Variants in SPAG16 observed in about 807,000 individuals in gnomAD.
SPAG16 encodes sperm-associated antigen 16 protein.
Under a neutral mutation model 80.4 loss-of-function variants are expected in SPAG16, and 86 were observed. That is an observed-to-expected ratio of 1.07 (90% CI 0.90 to 1.28). The LOEUF is 1.28. Ranked by LOEUF, SPAG16 falls within the 50% of genes most tolerant of loss-of-function variation. The pLI is 0.00. For missense variants in SPAG16, 870 were observed against 765.3 expected (o/e 1.14, Z -1.61); for synonymous variants, 294 against 265.9 (o/e 1.11, Z -1.03).
chr2:214,038,496 C>T (rs1189547234), intron 13 of SPAG16, among the ~76,000 whole-genome samples: 2 of 152,014 alleles, frequency 1.3e-5, no homozygotes, highest in Non-Finnish European at 2.9e-5. Flanking sequence ...ATACTAAAAG[C>T]TTACCATTTG....
At chr2:214,086,463 T>C (rs758138672) in intron 13 of SPAG16, among the ~76,000 whole-genome samples, 1 of 152,122 alleles carries the variant, frequency 6.6e-6, no homozygotes, top group African/African-American at 2.4e-5. Flanking sequence ...AGGGACCTTA[T>C]GGAGGTGATG....
intron 13 of SPAG16, among the ~76,000 whole-genome samples, chr2:214,022,331 T>G (rs1333117216): frequency 6.6e-6 from 1 of 152,138 alleles, no homozygotes; most frequent in Non-Finnish European, 1.5e-5. Context: ...GATAGGAACA[T>G]GCAGCCATTC....
chr2:213,376,866 T>G (rs921166153), intron 9 of SPAG16, among the ~76,000 whole-genome samples: 1 of 152,188 alleles, frequency 6.6e-6, no homozygotes, highest in Non-Finnish European at 1.5e-5. Flanking sequence ...TAACTAGAAC[T>G]GTAGAGGAGG....
chr2:213,649,552 C>T (rs1259131021), intron 10 of SPAG16, among the ~76,000 whole-genome samples: 1 of 152,142 alleles, frequency 6.6e-6, no homozygotes. Context: ...TTATTTAGCA[C>T]AGCTCATTTT....
intron 10 of SPAG16, among the ~76,000 whole-genome samples, chr2:213,692,604 A>G (rs1055334048): frequency 1.3e-5 from 2 of 152,128 alleles, no homozygotes; most frequent in African/African-American, 4.8e-5. Context: ...AGGTCAGCAG[A>G]TAGAGACAAT....
rs114014228 is a variant in SPAG16 at position 213,875,431 on chromosome 2, G to C, written c.1214+12803G>C. Among the ~76,000 whole-genome samples the C allele has an allele frequency of 1.5e-3, 234 of 152,142 alleles. 1 individual carries two copies. The highest frequency in any genetic ancestry group is 5.4e-3 in the African/African-American group (224 of 41,502). On this transcript the variant is annotated intron_variant, in intron 11 of 15. Coordinates refer to ENST00000331683, the MANE Select transcript of SPAG16 (RefSeq NM_024532.5). ...TACATGAAAGAGGGCTAAATGAGAA[G>C]GTCAACAGCATCAAGGCATAGACTA...
At chr2:214,282,919 C>T (rs1181718020) in intron 15 of SPAG16, among the ~76,000 whole-genome samples, 4 of 151,956 alleles carry the variant, frequency 2.6e-5, no homozygotes, top group Non-Finnish European at 4.4e-5. Context: ...CCTTTACCTT[C>T]GACTGACAGA....
rs750978304 is a variant in SPAG16 at position 213,296,107 on chromosome 2, A to G, written c.180A>G (p.Glu60=). ...CATCTGAAGATGACTATGAATATGA[A>G]GAGGTAACATGTTAATTTTAGGTGT... The part of the protein sequence containing the change: ...TEASEDDYEY[E]EIPDDNFSIP... Residue 60 remains glutamate (E), a synonymous_variant, in exon 2 of 16, where the codon GAA becomes GAG. Transcript: ENST00000331683. 2 of 1,601,874 alleles carry G rather than the reference A, an allele frequency of 1.2e-6. No individual in the cohort carries two copies. The highest frequency in any genetic ancestry group is 2.2e-5 in the South Asian group (2 of 90,394).
chr2:213,928,440 T>G (rs551838598), intron 11 of SPAG16, among the ~76,000 whole-genome samples: 7 of 152,164 alleles, frequency 4.6e-5, no homozygotes, highest in African/African-American at 1.2e-4. Flanking sequence ...CATTATATAA[T>G]CCACCTTCTC....
intron 15 of SPAG16, among the ~76,000 whole-genome samples, chr2:214,279,479 A>G (rs1305256450): frequency 2.0e-5 from 3 of 152,198 alleles, no homozygotes; most frequent in Admixed American, 6.5e-5. Flanking sequence ...TCTGAGCCAC[A>G]ACTCGAGAAA....
chr2:213,706,897 C>G (rs564698871), intron 10 of SPAG16, among the ~76,000 whole-genome samples: 1 of 152,266 alleles, frequency 6.6e-6, no homozygotes, highest in African/African-American at 2.4e-5. Flanking sequence ...ACATGGCGGT[C>G]AAGTTGCTGA....
chr2:214,155,381 A>G (rs1193874243), intron 15 of SPAG16, among the ~76,000 whole-genome samples: 3 of 152,184 alleles, frequency 2.0e-5, no homozygotes, highest in Non-Finnish European at 4.4e-5. Flanking sequence ...CTTTTCATAT[A>G]TGGAGCTTTA....
chr2:213,730,757 C>T (rs576848713), intron 10 of SPAG16, among the ~76,000 whole-genome samples: 1 of 152,288 alleles, frequency 6.6e-6, no homozygotes, highest in African/African-American at 2.4e-5. Flanking sequence ...CCAATGTTCT[C>T]CTACTCTGTT....
intron 10 of SPAG16, among the ~76,000 whole-genome samples, chr2:213,538,827 CTATT>C (rs2076336189): frequency 6.6e-6 from 1 of 151,854 alleles, no homozygotes; most frequent in Admixed American, 6.6e-5. Flanking sequence ...ATCTATTTAT[CTATT>C]TATCTATCTA....
At chr2:213,430,210 A>G (rs1438701244) in intron 9 of SPAG16, among the ~76,000 whole-genome samples, 1 of 152,228 alleles carries the variant, frequency 6.6e-6, no homozygotes, top group East Asian at 1.9e-4. Context: ...ATACAATGGA[A>G]AGTTTCAACA....
At chr2:213,651,754 G>C (rs1343121826) in intron 10 of SPAG16, among the ~76,000 whole-genome samples, 2 of 152,000 alleles carry the variant, frequency 1.3e-5, no homozygotes, top group Non-Finnish European at 2.9e-5. Flanking sequence ...CCACCACATG[G>C]TATCTTTAGG....
At chr2:214,000,348 C>G (rs886598805) in intron 12 of SPAG16, among the ~76,000 whole-genome samples, 2 of 151,466 alleles carry the variant, frequency 1.3e-5, no homozygotes, top group African/African-American at 4.9e-5. Flanking sequence ...CTGTTGCTGC[C>G]TTTCACTCCT....
chr2:214,228,709 G>A (rs1688469883), intron 15 of SPAG16, among the ~76,000 whole-genome samples: 1 of 151,818 alleles, frequency 6.6e-6, no homozygotes, highest in South Asian at 2.1e-4. Context: ...TGATGAAAAG[G>A]TAAAGTTGCA....
At chr2:214,229,578 G>A (rs2125796842) in intron 15 of SPAG16, among the ~76,000 whole-genome samples, 1 of 151,636 alleles carries the variant, frequency 6.6e-6, no homozygotes, top group Non-Finnish European at 1.5e-5. Flanking sequence ...TTTCTTATTA[G>A]AATGCAATAA....
Sources: allele counts gnomAD v4.1 joint callset (sites outside exome capture counted in the v4.1 genomes callset), GRCh38; gene constraint gnomAD v4.1.1; transcripts MANE v1.5; gene names NCBI Gene and HGNC (gene_info 2026-07-23, HGNC 2026-07-21).